Variants in NOTCH2 observed in about 807,000 individuals in gnomAD.
NOTCH2 encodes the protein notch receptor 2.
NOTCH2 carries 29 observed loss-of-function variants against 235.8 expected under a neutral mutation model. The ratio of observed to expected loss-of-function variants is 0.12; its 90% confidence interval spans 0.09 to 0.17. The LOEUF is 0.17. Among genes scored for constraint, NOTCH2 ranks in the 10% least tolerant of loss-of-function variants. NOTCH2 has a pLI of 1.00. For synonymous variants in NOTCH2, 1,086 were observed against 1,141.5 expected (o/e 0.95, Z 0.98); for missense variants, 2,285 against 3,150.2 (o/e 0.73, Z 6.57).
At position 119,920,380 on chromosome 1, in the gene NOTCH2, T is replaced by G. The variant is rs1649240357; in HGVS notation, c.5328A>C (p.Leu1776Phe). Residue 1776 changes from leucine (L) to phenylalanine (F), a missense_variant, in exon 30 of 34, where the codon TTA becomes TTC. Leu to Phe is a conservative substitution (Grantham distance 22). Transcript: ENST00000256646. ...CAATGGGGTCATCTTCTTCTGAGAG[T>G]AAGGCCTCATCTTCAGCCTGAAAGG... is the stretch of plus-strand genomic sequence containing the variant. ...PKKVKAEDEA[L>F]LSEEDDPIDR... 1 of 1,614,022 alleles carries G rather than the reference T, an allele frequency of 6.2e-7. No individual in the cohort carries two copies.
intron 5 of NOTCH2, 101 bp downstream of exon 5, chr1:119,986,859 G>T: frequency 6.7e-7 from 1 of 1,486,152 alleles, no homozygotes; most frequent in Non-Finnish European, 9.3e-7. Flanking sequence ...ACTGGTTCCA[G>T]AGCAGGCCTA....
At position 119,916,502 on chromosome 1, in the gene NOTCH2, T is replaced by C. The variant is rs1264544178; in HGVS notation, c.6220A>G (p.Thr2074Ala). Residue 2074 changes from threonine (T) to alanine (A), a missense_variant, in exon 34 of 34, where the codon ACC (threonine) becomes GCC (alanine). Physicochemically the swap from Thr to Ala is moderately conservative, Grantham distance 58 (BLOSUM62 0). Transcript: ENST00000256646. ...GGTGAGAGAGCAGAAGTCAACACGG[T>C]GCCTGGAGGGCTTGGGGTCACATTG... ...EYNVTPSPPGTVLTSALSPVI... is the reference protein window; with the variant it reads ...EYNVTPSPPGAVLTSALSPVI... The C allele has an allele frequency of 6.2e-7, 1 of 1,612,508 alleles. No homozygotes were observed. Among genetic ancestry groups the C allele is most frequent in the Non-Finnish European group, 8.5e-7 (1 of 1,178,598 alleles).
intron 1 of NOTCH2, chr1:120,068,759 C>T (rs782182405): frequency 1.2e-5 from 4 of 347,300 alleles, no homozygotes; most frequent in African/African-American, 6.2e-5. Context: ...ACGGCTCCCC[C>T]GGACTTTCGG....
rs1234157786 is a variant in NOTCH2 at position 119,913,518 on chromosome 1, T to C, written c.*1788A>G. The stretch of plus-strand genomic sequence containing the variant: ...GCAGGTGTCATGGGCATCACAGCAC[T>C]GGACGGAAGTTGCAGTGTAGCCATG... On this transcript the variant is annotated 3_prime_UTR_variant, in exon 34 of 34. Transcript: ENST00000256646. 1.3e-5 allele frequency: 3 copies of C among 233,262 alleles called. No homozygotes were observed. Among genetic ancestry groups the C allele is most frequent in the African/African-American group, 2.2e-5 (1 of 45,444 alleles). The allele number at this position is 233,262 out of a possible 1,614,324, so 14.4% of individuals were successfully genotyped here.
At position 120,033,883 on chromosome 1, in the gene NOTCH2, C is replaced by T. The variant is rs1356410481; in HGVS notation, c.74-3896G>A. Among the ~76,000 whole-genome samples the T allele has an allele frequency of 2.6e-5, 4 of 151,464 alleles. No homozygotes were observed. The East Asian group carries it at 7.8e-4, about 29-fold the overall frequency. ...AGCAAATTATAACATCACTTTGTAC[C>T]CTATAAATGTATACAACTATAAATT... On this transcript the variant is annotated intron_variant, in intron 1 of 33. Transcript: ENST00000256646.
intron 1 of NOTCH2, among the ~76,000 whole-genome samples, chr1:120,060,450 A>AAAATAT (rs1258896909): frequency 1.4e-4 from 19 of 139,372 alleles, no homozygotes; most frequent in African/African-American, 2.6e-4. Context: ...TCATAAACTA[A>AAAATAT]ATATATATAT....
intron 1 of NOTCH2, among the ~76,000 whole-genome samples, chr1:120,067,747 G>C (rs1359141680): frequency 6.6e-6 from 1 of 152,136 alleles, no homozygotes; most frequent in African/African-American, 2.4e-5. Flanking sequence ...CATCATATAT[G>C]CTCTTTATTA....
rs965475999 is a variant in NOTCH2 at position 119,913,230 on chromosome 1, A to G, written c.*2076T>C. ...GAGAGAATAAAGCAGAGAATGAACA[A>G]ACTTAATCTGCTTATCTCAGGGCAG... On this transcript the variant is annotated 3_prime_UTR_variant, in exon 34 of 34. Coordinates refer to ENST00000256646, the MANE Select transcript of NOTCH2 (RefSeq NM_024408.4). The G allele has an allele frequency of 4.3e-6, 1 of 233,332 alleles. No individual in the cohort carries two copies. The highest frequency in any genetic ancestry group is 6.0e-5 in the East Asian group (1 of 16,596). 14.5% of individuals were successfully genotyped at this position (233,332 alleles called of 1,614,324 possible).
intron 5 of NOTCH2, among the ~76,000 whole-genome samples, chr1:119,970,246 G>A: frequency 6.6e-6 from 1 of 152,152 alleles, no homozygotes; most frequent in East Asian, 1.9e-4. Flanking sequence ...CTTGATAAAG[G>A]GTACAGGAAA....
intron 5 of NOTCH2, among the ~76,000 whole-genome samples, chr1:119,973,775 G>C (rs1330054411): frequency 6.6e-6 from 1 of 152,150 alleles, no homozygotes; most frequent in African/African-American, 2.4e-5. Flanking sequence ...TACGGTCATT[G>C]AGCTTATCCC....
intron 13 of NOTCH2, 56 bp downstream of exon 13, chr1:119,954,984 A>C (rs1650629038): frequency 6.3e-7 from 1 of 1,588,686 alleles, no homozygotes; most frequent in South Asian, 1.1e-5. Context: ...CAGTACTACA[A>C]GCCAACTGGC....
intron 1 of NOTCH2, among the ~76,000 whole-genome samples, chr1:120,046,080 T>C (rs1553213575): frequency 6.7e-6 from 1 of 149,712 alleles, no homozygotes; most frequent in Non-Finnish European, 1.5e-5. Flanking sequence ...TTTCTTGGGG[T>C]ATACATTTTT....
rs1034282992 is a variant in NOTCH2, at chr1:119,916,150, G to A, written c.6572C>T (p.Ala2191Val). 4 of 1,614,220 alleles carry A rather than the reference G, an allele frequency of 2.5e-6. No homozygotes were observed. The Admixed American group carries it at 5.0e-5, about 20-fold the overall frequency. The change falls in exon 34 of 34, where the codon GCC becomes GTC. Residue 2191 changes from alanine (A) to valine (V), a missense_variant. Ala to Val is a moderately conservative substitution (Grantham distance 64). Coordinates refer to ENST00000256646, the MANE Select transcript of NOTCH2 (RefSeq NM_024408.4). ...NPMLATAAPP[A>V]PVHAQHALSF... ...TAGTGCATGCTGGGCATGGACTGGGGCAGGAGGGGCGGCAGTGGCCAACAT... is the reference window on the plus strand; with the variant it reads ...TAGTGCATGCTGGGCATGGACTGGGACAGGAGGGGCGGCAGTGGCCAACAT...
In NOTCH2 at chr1:119,913,878, G is replaced by A. The variant is rs1571143875; in HGVS notation, c.*1428C>T. Reference sequence around the variant, plus strand: ...TTCCTCCTTTTCCAACCTTCTTATAGGGCTGTTTTGGATCATAGAAAACAA... The same window carrying A: ...TTCCTCCTTTTCCAACCTTCTTATAAGGCTGTTTTGGATCATAGAAAACAA... On this transcript the variant is annotated 3_prime_UTR_variant, in exon 34 of 34. Coordinates refer to ENST00000256646, the MANE Select transcript of NOTCH2 (RefSeq NM_024408.4). 3 of 233,044 alleles carry A rather than the reference G, an allele frequency of 1.3e-5. No homozygotes were observed. The East Asian group carries it at 1.8e-4, about 14-fold the overall frequency. The allele number at this position is 233,044 out of a possible 1,614,324, so 14.4% of individuals were successfully genotyped here. A position where few individuals can be genotyped will look rare whatever the true frequency, so the allele number is the denominator to read the frequency against.
intron 26 of NOTCH2, 117 bp downstream of exon 26, chr1:119,923,520 G>A (rs949691697): frequency 1.1e-6 from 1 of 894,412 alleles, no homozygotes; most frequent in Admixed American, 1.9e-5. Flanking sequence ...CTTAAGTGGT[G>A]GGCCATTCTA....
intron 19 of NOTCH2, among the ~76,000 whole-genome samples, chr1:119,939,917 T>C (rs188885384): frequency 6.6e-6 from 1 of 152,372 alleles, no homozygotes; most frequent in East Asian, 1.9e-4. Context: ...GGAGTTATTA[T>C]TCTATCACTA....
At chr1:120,066,544 G>T (rs1553217124) in intron 1 of NOTCH2, among the ~76,000 whole-genome samples, 1 of 150,830 alleles carries the variant, frequency 6.6e-6, no homozygotes, top group Non-Finnish European at 1.5e-5. Context: ...TAGAATTTCT[G>T]TGGGTGTGAT....
chr1:120,014,596 G>C (rs1553207588), intron 2 of NOTCH2, among the ~76,000 whole-genome samples: 1 of 130,840 alleles, frequency 7.6e-6, no homozygotes, highest in East Asian at 2.0e-4. Flanking sequence ...TCTCACTTAA[G>C]CAGATGAAAA....
Position 119,967,340 on chromosome 1 carries a change from C to T in NOTCH2, c.1453+93G>A, listed in dbSNP as rs1272710594. ...AAGGAAATCAAATGCTGACAGAGCT[C>T]ATCAGACTGCAATAGTATACTGAAT... On this transcript the variant is annotated intron_variant, in intron 8 of 33. Transcript: ENST00000256646. The T allele has an allele frequency of 2.7e-6, 3 of 1,126,730 alleles. No individual in the cohort carries two copies. The African/African-American group carries it at 4.6e-5, about 17-fold the overall frequency. 69.8% of individuals were successfully genotyped at this position (1,126,730 alleles called of 1,614,324 possible).
Sources: allele counts gnomAD v4.1 joint callset (sites outside exome capture counted in the v4.1 genomes callset), GRCh38; gene constraint gnomAD v4.1.1; transcripts MANE v1.5; gene names NCBI Gene and HGNC (gene_info 2026-07-23, HGNC 2026-07-21).